The following ARID2 variants were observed in gnomAD, a reference collection of about 807,000 sequenced individuals.
The protein encoded by ARID2 is AT-rich interactive domain-containing protein 2.
Under a neutral mutation model 184.6 loss-of-function variants are expected in ARID2, and 32 were observed. That is an observed-to-expected ratio of 0.17 (90% CI 0.13 to 0.23). The LOEUF (loss-of-function observed/expected upper bound fraction) is 0.23, where lower values mean the gene tolerates loss of function less well. ARID2 is among the 10% of genes least tolerant of loss of function. The probability of loss-of-function intolerance (pLI) is 1.00; values close to 1 mark genes in which losing one functional copy is unlikely to be tolerated. For missense variants in ARID2, 1,696 were observed against 2,197.6 expected (o/e 0.77, Z 4.56); for synonymous variants, 836 against 772.6 (o/e 1.08, Z -1.36).
At chr12:45,902,410 T>C (rs1944471466) in intron 20 of ARID2, among the ~76,000 whole-genome samples, 1 of 152,222 alleles carries the variant, frequency 6.6e-6, no homozygotes. Context: ...CATGTGACTA[T>C]CACTTTGAAA....
chr12:45,801,391 C>A (rs1942499848), intron 3 of ARID2, among the ~76,000 whole-genome samples: 1 of 151,276 alleles, frequency 6.6e-6, no homozygotes, highest in Non-Finnish European at 1.5e-5. Flanking sequence ...GATGCTAAAA[C>A]TAGCAGGTAC....
At chr12:45,895,487 G>A (rs916810088) in intron 20 of ARID2, among the ~76,000 whole-genome samples, 4 of 152,190 alleles carry the variant, frequency 2.6e-5, no homozygotes, top group African/African-American at 9.7e-5. Flanking sequence ...CATTCAGTAA[G>A]TATTTGATTG....
rs1941316875 is a variant in ARID2 at position 45,744,229 on chromosome 12, T to G, written c.284+12915T>G. Among the ~76,000 whole-genome samples, 4 of 152,200 alleles carry G rather than the reference T, an allele frequency of 2.6e-5. No homozygotes were observed. The South Asian group carries it at 8.3e-4, about 31-fold the overall frequency. On this transcript the variant is annotated intron_variant, in intron 3 of 20. Coordinates refer to ENST00000334344, the MANE Select transcript of ARID2 (RefSeq NM_152641.4). ...CATTTCCTCATTAAGATACTGCCTG[T>G]TATATGTTTTGATGCAATCTTAACT...
chr12:45,808,730 T>A (rs1276246553), intron 3 of ARID2, among the ~76,000 whole-genome samples: 1 of 148,064 alleles, frequency 6.8e-6, no homozygotes, highest in Non-Finnish European at 1.5e-5. Flanking sequence ...AATGTGTGTT[T>A]GCGTGCGTGT....
intron 3 of ARID2, among the ~76,000 whole-genome samples, chr12:45,734,161 G>C (rs1427005361): frequency 1.3e-5 from 2 of 152,160 alleles, no homozygotes; most frequent in Admixed American, 1.3e-4. Flanking sequence ...CTGAGGTCAG[G>C]AGTTTGAGAC....
At chr12:45,730,535 C>CG (rs1940968857) in intron 2 of ARID2, among the ~76,000 whole-genome samples, 1 of 151,860 alleles carries the variant, frequency 6.6e-6, no homozygotes, top group Non-Finnish European at 1.5e-5. Context: ...CTAGCACAGG[C>CG]GGAGACACAC....
chr12:45,836,551 T>G (rs2138124850), intron 6 of ARID2, 38 bp from the exon 7 acceptor site: 1 of 1,567,338 alleles, frequency 6.4e-7, no homozygotes, highest in Non-Finnish European at 8.7e-7. Context: ...AGAATAGTTG[T>G]TTCAAATCAT....
chr12:45,811,780 A>T (rs1246604279), intron 4 of ARID2, among the ~76,000 whole-genome samples: 1 of 152,204 alleles, frequency 6.6e-6, no homozygotes, highest in Non-Finnish European at 1.5e-5. Context: ...TTCACTTCCA[A>T]GTAATGATTT....
chr12:45,862,478 TTTTG>T (rs1262831014), intron 16 of ARID2, among the ~76,000 whole-genome samples: 1 of 152,154 alleles, frequency 6.6e-6, no homozygotes, highest in African/African-American at 2.4e-5. Flanking sequence ...GTCTTGAGAT[TTTTG>T]TTTTTTTCAT....
chr12:45,804,217 C>T (rs1565602487), intron 3 of ARID2, among the ~76,000 whole-genome samples: 1 of 152,138 alleles, frequency 6.6e-6, no homozygotes, highest in African/African-American at 2.4e-5. Context: ...ACAAAGGAGT[C>T]ATAGGAGAGA....
At chr12:45,828,647 T>C (rs545661133) in intron 6 of ARID2, among the ~76,000 whole-genome samples, 1 of 152,200 alleles carries the variant, frequency 6.6e-6, no homozygotes, top group Non-Finnish European at 1.5e-5. Flanking sequence ...TCTCTTTCAT[T>C]TTAACTATTA....
intron 20 of ARID2, among the ~76,000 whole-genome samples, chr12:45,894,395 C>T (rs1051637654): frequency 6.6e-6 from 1 of 152,170 alleles, no homozygotes; most frequent in African/African-American, 2.4e-5. Flanking sequence ...CTTTCTATCT[C>T]AGGCCCTCCC....
rs2138175477 is a variant in ARID2, at chr12:45,852,034, T to C, written c.3911T>C (p.Leu1304Pro). 6.2e-7 allele frequency: 1 copy of C among 1,614,142 alleles called. No individual in the cohort carries two copies. Among genetic ancestry groups the C allele is most frequent in the South Asian group, 1.1e-5 (1 of 91,088 alleles). ...GGGAGAAAGTACAGTGACTCAAGTC[T>C]ACCTCCTTCAAACTCAGGGAAAATT... ...LNGRKYSDSS[L>P]PPSNSGKIQS... The change falls in exon 15 of 21, where the codon CTA becomes CCA. Residue 1304 changes from leucine (L) to proline (P), a missense_variant. Leu to Pro is a moderately conservative substitution (Grantham distance 98). Coordinates refer to ENST00000334344, the MANE Select transcript of ARID2 (RefSeq NM_152641.4).
chr12:45,886,894 C>T (rs1385852905), intron 16 of ARID2, among the ~76,000 whole-genome samples: 2 of 152,204 alleles, frequency 1.3e-5, no homozygotes, highest in African/African-American at 2.4e-5. Flanking sequence ...TAATTTTGTC[C>T]TGCTAGGGCT....
chr12:45,735,294 A>T (rs1003744659), intron 3 of ARID2, among the ~76,000 whole-genome samples: 4 of 152,206 alleles, frequency 2.6e-5, no homozygotes, highest in African/African-American at 9.7e-5. Flanking sequence ...TGCTAAACGG[A>T]ACTGAATAAA....
chr12:45,733,949 A>G (rs1183990563), intron 3 of ARID2, among the ~76,000 whole-genome samples: 1 of 152,236 alleles, frequency 6.6e-6, no homozygotes, highest in Non-Finnish European at 1.5e-5. Flanking sequence ...TTTTACAAAT[A>G]TAAGTGCCTG....
chr12:45,832,942 T>C (rs528979953), intron 6 of ARID2, among the ~76,000 whole-genome samples: 23 of 152,284 alleles, frequency 1.5e-4, no homozygotes, highest in African/African-American at 5.1e-4. Flanking sequence ...AAATTTGATA[T>C]CTTTGGAGAG....
intron 15 of ARID2, among the ~76,000 whole-genome samples, chr12:45,854,486 CTTCCACATGTTGAGCT>C (rs1324712002): frequency 6.6e-6 from 1 of 152,170 alleles, no homozygotes; most frequent in Non-Finnish European, 1.5e-5. Context: ...TTTATTCAAG[CTTCCACATGTTGAGCT>C]TTCCACTTAA....
intron 6 of ARID2, among the ~76,000 whole-genome samples, chr12:45,833,694 T>G (rs143438733): frequency 6.6e-6 from 1 of 152,332 alleles, no homozygotes; most frequent in African/African-American, 2.4e-5. Flanking sequence ...GGCTTGTTTA[T>G]TCCTTCTACT....
Sources: allele counts gnomAD v4.1 joint callset (sites outside exome capture counted in the v4.1 genomes callset), GRCh38; gene constraint gnomAD v4.1.1; transcripts MANE v1.5; gene names NCBI Gene and HGNC (gene_info 2026-07-23, HGNC 2026-07-21).